Variants in PTPRQ observed in about 807,000 individuals in gnomAD.
The protein encoded by PTPRQ is phosphatidylinositol phosphatase PTPRQ.
PTPRQ carries 199 observed loss-of-function variants against 246.0 expected under a neutral mutation model. The observed-to-expected ratio is 0.81, with a 90% CI of 0.72 to 0.91. PTPRQ has a LOEUF of 0.91. PTPRQ is among the 40% of genes least tolerant of loss of function. The pLI is 0.00. For synonymous variants in PTPRQ, 869 were observed against 853.2 expected (o/e 1.02, Z -0.32); for missense variants, 2,624 against 2,528.4 (o/e 1.04, Z -0.81).
chr12:80,444,794 A>T lies in PTPRQ; in HGVS notation c.108A>T (p.Ser36=). ...CTAGGTACGATATAACCATCTCTTC[A>T]ATTTCTACAACATACACCTCACCTG... ...PGTRYDITIS[S]ISTTYTSPVT... is the part of the protein sequence containing the mutation. Residue 36 remains serine, a synonymous_variant, in exon 2 of 45, where the codon TCA becomes TCT. Transcript: ENST00000644991. 6.5e-7 allele frequency: 1 copy of T among 1,540,044 alleles called. No homozygotes were observed.
chr12:80,605,202 G>A (rs1219958930), intron 27 of PTPRQ, 22 bp downstream of exon 27: 4 of 1,533,200 alleles, frequency 2.6e-6, no homozygotes, highest in East Asian at 5.0e-5. Flanking sequence ...CTTACCTTCT[G>A]TAAAAGCCAG....
chr12:80,641,177 G>A (rs182517747), intron 35 of PTPRQ, among the ~76,000 whole-genome samples: 2 of 152,292 alleles, frequency 1.3e-5, no homozygotes, highest in East Asian at 3.9e-4. Context: ...GCACTCCCCT[G>A]ATGCTCAGAA....
intron 6 of PTPRQ, among the ~76,000 whole-genome samples, chr12:80,463,242 C>G (rs1386451486): frequency 6.6e-6 from 1 of 152,070 alleles, no homozygotes; most frequent in African/African-American, 2.4e-5. Flanking sequence ...GGAGCCAATG[C>G]AATCAACTGG....
At chr12:80,573,488 TA>T (rs879518524) in intron 25 of PTPRQ, among the ~76,000 whole-genome samples, 328 of 143,838 alleles carry the variant, frequency 2.3e-3, no homozygotes, top group Middle Eastern at 7.1e-3. Flanking sequence ...GACTCCGTCT[TA>T]AAAAAAAAAA....
Position 80,619,389 on chromosome 12 carries a change from G to A in PTPRQ, c.5236G>A (p.Ala1746Thr). 1.3e-6 allele frequency: 2 copies of A among 1,546,600 alleles called. No individual in the cohort carries two copies. The highest frequency in any genetic ancestry group is 8.7e-7 in the Non-Finnish European group (1 of 1,143,996). ...TATTTCTTCTTTGTTTATAGCTCCA[G>A]CACGACCAAAAACCAAACCAACCCC... ...MRITMDIKAP[A>T]RPKTKPTPIY... Residue 1746 changes from alanine to threonine, a missense_variant, in exon 31 of 45, where the codon GCA becomes ACA. Coordinates refer to ENST00000644991, the MANE Select transcript of PTPRQ (RefSeq NM_001145026.2).
At chr12:80,608,792 T>C (rs1183035489) in intron 27 of PTPRQ, among the ~76,000 whole-genome samples, 1 of 150,386 alleles carries the variant, frequency 6.6e-6, no homozygotes, top group East Asian at 2.0e-4. Context: ...GTGAAGCCAA[T>C]TGAGTGGGGC....
chr12:80,534,920 T>C lies in PTPRQ; in HGVS notation c.2868T>C (p.Tyr956=). 6.5e-7 allele frequency: 1 copy of C among 1,550,110 alleles called. No individual in the cohort carries two copies. The highest frequency in any genetic ancestry group is 8.7e-7 in the Non-Finnish European group (1 of 1,146,298). The change falls in exon 19 of 45, where the codon TAT becomes TAC. Residue 956 remains tyrosine, a synonymous_variant. Coordinates refer to ENST00000644991, the MANE Select transcript of PTPRQ (RefSeq NM_001145026.2). ...GAPSDPPKDV[Y]YANLSSSSII... ...CAAGCGATCCTCCCAAAGATGTTTA[T>C]TATGCAAACCTCAGTTCTTCATCAA...
intron 36 of PTPRQ, 125 bp from the exon 37 acceptor site, chr12:80,649,463 G>C (rs1478582187): frequency 1.6e-5 from 20 of 1,277,166 alleles, no homozygotes; most frequent in Non-Finnish European, 1.9e-5. Flanking sequence ...TTAAAAAGCT[G>C]TGTTGTTTGT....
At chr12:80,525,237 T>G (rs1895645249) in intron 17 of PTPRQ, among the ~76,000 whole-genome samples, 1 of 152,156 alleles carries the variant, frequency 6.6e-6, no homozygotes, top group South Asian at 2.1e-4. Context: ...ACTATTGAAA[T>G]AAGGGAACAG....
chr12:80,657,382 A>G (rs1179644139), intron 38 of PTPRQ, among the ~76,000 whole-genome samples: 2 of 151,812 alleles, frequency 1.3e-5, no homozygotes, highest in African/African-American at 4.8e-5. Flanking sequence ...TTTTTCAAAC[A>G]CTTTGGTTCA....
At chr12:80,598,319 G>A (rs1592701496) in intron 26 of PTPRQ, among the ~76,000 whole-genome samples, 1 of 151,980 alleles carries the variant, frequency 6.6e-6, no homozygotes, top group African/African-American at 2.4e-5. Flanking sequence ...TTTGGTCAGC[G>A]AAATCACTGG....
At chr12:80,504,806 C>T (rs1164676664) in intron 14 of PTPRQ, among the ~76,000 whole-genome samples, 1 of 151,818 alleles carries the variant, frequency 6.6e-6, no homozygotes, top group Non-Finnish European at 1.5e-5. Context: ...GCTTATAATT[C>T]CAAAACAGCA....
chr12:80,469,596 C>T lies in PTPRQ; in HGVS notation c.1039+758C>T, dbSNP rs568226772. ...TTATTTGGGGGCATCAAAAAAGATACAGAGTTCCAACTCATTTTATTTTGC... is the reference window on the plus strand; with the variant it reads ...TTATTTGGGGGCATCAAAAAAGATATAGAGTTCCAACTCATTTTATTTTGC... On this transcript the variant is annotated intron_variant, in intron 7 of 44. Coordinates refer to ENST00000644991, the MANE Select transcript of PTPRQ (RefSeq NM_001145026.2). Among the ~76,000 whole-genome samples, 1,110 of 127,354 alleles carry T rather than the reference C, an allele frequency of 8.7e-3. 14 individuals are homozygous for T. Among genetic ancestry groups the T allele is most frequent in the African/African-American group, 0.043 (1,071 of 24,802 alleles). 83.5% of individuals were successfully genotyped at this position (127,354 alleles called of 152,430 possible). A position where few individuals can be genotyped will look rare whatever the true frequency, so the allele number is the denominator to read the frequency against.
intron 33 of PTPRQ, among the ~76,000 whole-genome samples, chr12:80,625,732 A>C (rs1316583032): frequency 6.6e-6 from 1 of 152,178 alleles, no homozygotes; most frequent in East Asian, 1.9e-4. Flanking sequence ...AGGGATAAAC[A>C]GGGAAGATAA....
At chr12:80,595,001 A>G (rs1241721685) in intron 26 of PTPRQ, among the ~76,000 whole-genome samples, 1 of 152,262 alleles carries the variant, frequency 6.6e-6, no homozygotes, top group African/African-American at 2.4e-5. Flanking sequence ...CTACAAGGTC[A>G]CTTATGATTT....
chr12:80,468,077 T>C (rs1368717051), intron 6 of PTPRQ, among the ~76,000 whole-genome samples: 1 of 152,180 alleles, frequency 6.6e-6, no homozygotes, highest in African/African-American at 2.4e-5. Flanking sequence ...ACAATAATTT[T>C]GTTTTGAAAA....
rs145064953 is a variant in PTPRQ at position 80,599,306 on chromosome 12, G to C, written c.4610-5753G>C. On this transcript the variant is annotated intron_variant, in intron 26 of 44. Coordinates refer to ENST00000644991, the MANE Select transcript of PTPRQ (RefSeq NM_001145026.2). ...TATGGGGAATGAGAGAATAAGGATAGATCATTCCTACTGAGTAAATTGCTG... is the reference window on the plus strand; with the variant it reads ...TATGGGGAATGAGAGAATAAGGATACATCATTCCTACTGAGTAAATTGCTG... 2.0e-3 allele frequency among the ~76,000 whole-genome samples: 305 copies of C among 152,042 alleles called. 2 individuals carry two copies. Among genetic ancestry groups the C allele is most frequent in the African/African-American group, 7.1e-3 (296 of 41,546 alleles).
chr12:80,656,429 G>C (rs1007175841), intron 38 of PTPRQ, among the ~76,000 whole-genome samples: 11 of 152,226 alleles, frequency 7.2e-5, no homozygotes, highest in African/African-American at 2.4e-4. Context: ...ATGTATGGTA[G>C]GCAGATCATC....
chr12:80,598,334 T>C (rs564266418), intron 26 of PTPRQ, among the ~76,000 whole-genome samples: 1 of 152,136 alleles, frequency 6.6e-6, no homozygotes, highest in Admixed American at 6.6e-5. Context: ...CACTGGGCTC[T>C]AGGAAAACAT....
Sources: allele counts gnomAD v4.1 joint callset (sites outside exome capture counted in the v4.1 genomes callset), GRCh38; gene constraint gnomAD v4.1.1; transcripts MANE v1.5; gene names NCBI Gene and HGNC (gene_info 2026-07-23, HGNC 2026-07-21).